Variants in ARHGEF11 observed in about 807,000 individuals in gnomAD.
ARHGEF11 encodes the protein Rho guanine exchange factor (GEF) 11.
Under a neutral mutation model 193.7 loss-of-function variants are expected in ARHGEF11, and 55 were observed. The ratio of observed to expected loss-of-function variants is 0.28; its 90% CI spans 0.23 to 0.36. The LOEUF is 0.36. Ranked by LOEUF, ARHGEF11 falls within the 10% of genes least tolerant of loss-of-function variation. ARHGEF11 has a pLI of 1.00. For missense variants in ARHGEF11, 1,723 were observed against 2,005.6 expected, an observed-to-expected ratio of 0.86 and a Z score of 2.69; for synonymous variants, 693 against 768.0, an observed-to-expected ratio of 0.90 and a Z score of 1.62.
Position 156,957,787 on chromosome 1 carries a change from C to T in ARHGEF11, c.1526+5G>A. On this transcript the variant is annotated splice_donor_5th_base_variant and intron_variant, in intron 18 of 40. Transcript: ENST00000368194. Reference sequence around the variant, plus strand: ...GCTGCAAATCCACATCATAGACTTGCTTACCTCCTGTCTTCCTCATACTTG... The same window carrying T: ...GCTGCAAATCCACATCATAGACTTGTTTACCTCCTGTCTTCCTCATACTTG... 1 of 1,614,140 alleles carries T rather than the reference C, an allele frequency of 6.2e-7. No individual in the cohort carries two copies. The highest frequency in any genetic ancestry group is 8.5e-7 in the Non-Finnish European group (1 of 1,179,960).
intron 1 of ARHGEF11, among the ~76,000 whole-genome samples, chr1:156,994,780 T>C (rs959101594): frequency 1.3e-5 from 2 of 152,176 alleles, no homozygotes; most frequent in Admixed American, 1.3e-4. Flanking sequence ...CTTGGCTATG[T>C]AGTCTTAGGC....
chr1:156,944,308 A>C (rs766713524), intron 31 of ARHGEF11, 50 bp downstream of exon 31: 1 of 1,580,128 alleles, frequency 6.3e-7, no homozygotes, highest in Non-Finnish European at 8.7e-7. Context: ...GAGCCCAGGG[A>C]GGCCCACCCA....
rs3819973 is a variant in ARHGEF11 at position 156,935,792 on chromosome 1, A to G, written c.*208T>C. On this transcript the variant is annotated 3_prime_UTR_variant, in exon 41 of 41. Transcript: ENST00000368194. ...ACATGAGGCCTTGGAGGGTTGGGCT[A>G]AGGGAGGGAAAAGACACTGAAACCT... 0.24 allele frequency: 137,372 copies of G among 579,330 alleles called. 19,538 individuals carry two copies. The highest frequency in any genetic ancestry group is 0.51 in the African/African-American group (26,974 of 53,396). The allele number at this position is 579,330 out of a possible 1,614,324, so 35.9% of individuals were successfully genotyped here. A position where few individuals can be genotyped will look rare whatever the true frequency, so the allele number is the denominator to read the frequency against.
chr1:156,961,719 G>T lies in ARHGEF11; in HGVS notation c.1197C>A (p.Ser399Arg), dbSNP rs769632675. 1 of 1,614,186 alleles carries T rather than the reference G, an allele frequency of 6.2e-7. No individual in the cohort carries two copies. The highest frequency in any genetic ancestry group is 1.1e-5 in the South Asian group (1 of 91,082). ...AAATATTCCAGATGTCTTTCCCCAA[G>T]CTTCGGGAATCCTTGGGGCTTGCCT... is the stretch of plus-strand genomic sequence containing the variant. Reference protein sequence around the residue: ...YQQASPKDSRSLGKDIWNIFL... With the variant: ...YQQASPKDSRRLGKDIWNIFL... The change falls in exon 14 of 41, where the codon AGC becomes AGA. Residue 399 changes from serine (S) to arginine (R), a missense_variant. Ser to Arg is a moderately radical substitution (Grantham distance 110). Transcript: ENST00000368194.
rs990165053 is a variant in ARHGEF11 at position 156,951,591 on chromosome 1, T to A, written c.1907A>T (p.Asp636Val). Residue 636 changes from aspartate (D) to valine (V), a missense_variant, in exon 22 of 41, where the codon GAC becomes GTC. Physicochemically the swap from Asp to Val is radical, Grantham distance 152. This residue lies in a region of ARHGEF11 where 491 missense variants were observed against 654.5 expected (regional missense o/e 0.75). Coordinates refer to ENST00000368194, the MANE Select transcript of ARHGEF11 (RefSeq NM_198236.3). The part of the protein sequence containing the change: ...QRLSTGSFPE[D>V]LLESDSSRSE... ...GTGCTACCTGTCACTCTCCAGCAGGTCCTCAGGAAAGCTTCCGGTCGAGAG... is the reference window on the plus strand; with the variant it reads ...GTGCTACCTGTCACTCTCCAGCAGGACCTCAGGAAAGCTTCCGGTCGAGAG... 5.0e-6 allele frequency: 8 copies of A among 1,614,038 alleles called. No homozygotes were observed. The highest frequency in any genetic ancestry group is 6.8e-6 in the Non-Finnish European group (8 of 1,180,014).
chr1:157,043,553 A>C (rs556373645), intron 1 of ARHGEF11, among the ~76,000 whole-genome samples: 2 of 152,358 alleles, frequency 1.3e-5, no homozygotes, highest in South Asian at 4.1e-4. Context: ...CAGCAGGCCT[A>C]CGAGCCCAAA....
intron 29 of ARHGEF11, 21 bp from the exon 30 acceptor site, chr1:156,945,218 G>C (rs1468275493): frequency 6.2e-7 from 1 of 1,607,872 alleles, no homozygotes; most frequent in Non-Finnish European, 8.5e-7. Flanking sequence ...GGACAGAAGA[G>C]ATGGTTGGGG....
At chr1:156,989,505 T>C (rs188488102) in intron 1 of ARHGEF11, among the ~76,000 whole-genome samples, 7 of 152,350 alleles carry the variant, frequency 4.6e-5, no homozygotes, top group African/African-American at 1.4e-4. Context: ...CTCCAATAAC[T>C]TGGTATTAAA....
Position 156,973,084 on chromosome 1 carries a change from TC to T in ARHGEF11, c.583-1269del, listed in dbSNP as rs1158307112. On this transcript the variant is annotated intron_variant, in intron 7 of 40. Transcript: ENST00000368194. Reference sequence around the variant, plus strand: ...GTAAAGGGATATGAGCCTGTGGTTTTCTGATTTTATTTTATTTATTTATTTA... The same window carrying T: ...GTAAAGGGATATGAGCCTGTGGTTTTTGATTTTATTTTATTTATTTATTTA... Among the ~76,000 whole-genome samples, 17 of 152,258 alleles carry T rather than the reference TC, an allele frequency of 1.1e-4. No homozygotes were observed. In the East Asian group the frequency reaches 3.3e-3, roughly 29 times the overall value.
chr1:156,999,976 ATT>A (rs948181782), intron 1 of ARHGEF11, among the ~76,000 whole-genome samples: 1 of 152,140 alleles, frequency 6.6e-6, no homozygotes, highest in African/African-American at 2.4e-5. Context: ...TCTTTTTAAA[ATT>A]TTTTTGAGAC....
intron 1 of ARHGEF11, among the ~76,000 whole-genome samples, chr1:157,007,081 G>A (rs1337819711): frequency 1.3e-5 from 2 of 152,174 alleles, no homozygotes; most frequent in Non-Finnish European, 2.9e-5. Flanking sequence ...CCTCACCTGT[G>A]TCACACCTGT....
At chr1:157,026,627 G>A (rs533927859) in intron 1 of ARHGEF11, among the ~76,000 whole-genome samples, 30 of 152,306 alleles carry the variant, frequency 2.0e-4, no homozygotes, top group African/African-American at 3.6e-4. Flanking sequence ...CTCAAGCAAG[G>A]GGAGGAAGTC....
intron 22 of ARHGEF11, among the ~76,000 whole-genome samples, chr1:156,949,434 G>C (rs1047096011): frequency 6.6e-6 from 1 of 152,108 alleles, no homozygotes; most frequent in African/African-American, 2.4e-5. Context: ...GACCACAGGA[G>C]GCCTGGAAAT....
chr1:156,988,900 T>C (rs1277322302), intron 1 of ARHGEF11, among the ~76,000 whole-genome samples: 1 of 152,152 alleles, frequency 6.6e-6, no homozygotes, highest in Admixed American at 6.5e-5. Flanking sequence ...ATAGAATCAA[T>C]GGACAGACTA....
At position 156,940,425 on chromosome 1, in the gene ARHGEF11, C is replaced by A. The variant is rs750366645; in HGVS notation, c.3515G>T (p.Gly1172Val). 2 of 1,596,812 alleles carry A rather than the reference C, an allele frequency of 1.3e-6. No individual in the cohort carries two copies. Among genetic ancestry groups the A allele is most frequent in the Non-Finnish European group, 1.7e-6 (2 of 1,167,922 alleles). ...GEPEPEELPG[G>V]TGSQQRVQGK... The stretch of plus-strand genomic sequence containing the variant: ...TTGGACCCTCTGCTGGGACCCAGTG[C>A]CTGTTTCGGATGAGAGAAGATTGTA... Residue 1172 changes from glycine to valine, a missense_variant and splice_region_variant, in exon 36 of 41, where the codon GGC becomes GTC. This residue lies in a region of ARHGEF11 where 203 missense variants were observed against 237.3 expected (regional missense o/e 0.86). Transcript: ENST00000368194.
intron 1 of ARHGEF11, among the ~76,000 whole-genome samples, chr1:157,020,006 A>G (rs1027784892): frequency 6.6e-6 from 1 of 152,038 alleles, no homozygotes; most frequent in Non-Finnish European, 1.5e-5. Flanking sequence ...GGGCGCCTGT[A>G]GTCCCAGCTA....
At chr1:156,976,915 G>A in intron 7 of ARHGEF11, 68 bp downstream of exon 7, 4 of 1,394,138 alleles carry the variant, frequency 2.9e-6, no homozygotes, top group Non-Finnish European at 4.1e-6. Context: ...GTGTACATTG[G>A]CAGGCTGCTC....
rs1169970366 is a variant in ARHGEF11 at position 157,007,412 on chromosome 1, C to A, written c.33-21239G>T. Among the ~76,000 whole-genome samples, 3 of 152,056 alleles carry A rather than the reference C, an allele frequency of 2.0e-5. 1 individual carries two copies. Among genetic ancestry groups the A allele is most frequent in the Admixed American group, 1.3e-4 (2 of 15,246 alleles). On this transcript the variant is annotated intron_variant, in intron 1 of 40. Transcript: ENST00000368194. ...CTTAGGGGTTGGTACAGATTCTAAG[C>A]CAGCCAGACTTCCCAGACTCAGGCA...
At chr1:156,980,745 G>A (rs951591920) in intron 3 of ARHGEF11, among the ~76,000 whole-genome samples, 78 of 150,306 alleles carry the variant, frequency 5.2e-4, no homozygotes, top group African/African-American at 1.8e-3. Context: ...GCCAAGGCAG[G>A]AGCGAGGCAG....
Sources: gnomAD v4.1 joint callset for allele counts (sites outside exome capture counted in the v4.1 genomes callset) on GRCh38, gnomAD v4.1.1 for gene constraint, gnomAD v4.1.1 regional missense constraint, MANE v1.5 for transcripts, NCBI Gene and HGNC (gene_info 2026-07-23, HGNC 2026-07-21) for gene names.